COL24A1: variants seen among roughly 807,000 people sequenced by gnomAD.
COL24A1 encodes collagen alpha-1(XXIV) chain.
A neutral mutation model predicts 253.9 loss-of-function variants in COL24A1; 224 were observed. The ratio of observed to expected loss-of-function variants is 0.88; its 90% CI spans 0.79 to 0.99. The LOEUF is 0.99. COL24A1 is among the 50% of genes least tolerant of loss of function. COL24A1 has a pLI of 0.00. For missense variants in COL24A1, 2,131 were observed against 2,068.5 expected (o/e 1.03, Z -0.59); for synonymous variants, 685 against 673.7 (o/e 1.02, Z -0.26).
At chr1:85,767,510 A>G (rs1667506019) in intron 53 of COL24A1, among the ~76,000 whole-genome samples, 1 of 152,246 alleles carries the variant, frequency 6.6e-6, no homozygotes, top group Non-Finnish European at 1.5e-5. Context: ...GAATTAAAAG[A>G]TTAACTTTAT....
chr1:85,873,200 G>A (rs1010273909), intron 35 of COL24A1, among the ~76,000 whole-genome samples: 5 of 152,164 alleles, frequency 3.3e-5, no homozygotes, highest in African/African-American at 1.2e-4. Flanking sequence ...TGCTGGAGAG[G>A]AGGATGTGTA....
At position 85,896,048 on chromosome 1, in the gene COL24A1, T is replaced by C; in HGVS notation, c.2850A>G (p.Gln950=). The C allele has an allele frequency of 6.2e-7, 1 of 1,612,888 alleles. No homozygotes were observed. Among genetic ancestry groups the C allele is most frequent in the Non-Finnish European group, 8.5e-7 (1 of 1,179,620 alleles). ...TAAGACCATGAGGCCCTCTTTTTCCTTGATCTCCTTTTTCACCCTAACAAA... is the reference window on the plus strand; with the variant it reads ...TAAGACCATGAGGCCCTCTTTTTCCCTGATCTCCTTTTTCACCCTAACAAA... ...IQGAKGEKGD[Q]GKRGPHGLIG... The change falls in exon 30 of 60, where the codon CAA becomes CAG. Residue 950 remains glutamine (Q), a synonymous_variant. Coordinates refer to ENST00000370571, the MANE Select transcript of COL24A1 (RefSeq NM_152890.7).
chr1:85,894,953 CT>C (rs899861532), intron 31 of COL24A1, among the ~76,000 whole-genome samples: 1 of 152,060 alleles, frequency 6.6e-6, no homozygotes, highest in African/African-American at 2.4e-5. Flanking sequence ...TTATTCTATC[CT>C]TTTCTGTCTC....
intron 24 of COL24A1, among the ~76,000 whole-genome samples, chr1:85,911,744 G>A (rs1313586552): frequency 2.0e-5 from 3 of 151,942 alleles, no homozygotes; most frequent in Admixed American, 6.6e-5. Context: ...AACCCCTGAC[G>A]TTTTCATACC....
At chr1:85,910,133 A>G in intron 25 of COL24A1, 130 bp from the exon 26 acceptor site, 7 of 535,972 alleles carry the variant, frequency 1.3e-5, no homozygotes, top group Non-Finnish European at 1.9e-5. Flanking sequence ...TATTTCCAAT[A>G]ATTTTTAAAT....
chr1:85,747,741 G>A (rs542143013), intron 55 of COL24A1, among the ~76,000 whole-genome samples: 4 of 152,082 alleles, frequency 2.6e-5, no homozygotes, highest in Non-Finnish European at 5.9e-5. Flanking sequence ...AATAATTATG[G>A]ATTTTCTTCT....
chr1:85,970,770 T>C (rs1692079732), intron 21 of COL24A1, among the ~76,000 whole-genome samples: 1 of 152,168 alleles, frequency 6.6e-6, no homozygotes, highest in Non-Finnish European at 1.5e-5. Flanking sequence ...TAGTCACAAA[T>C]AGTAAATATA....
At chr1:85,757,967 T>C (rs1295204176) in intron 55 of COL24A1, among the ~76,000 whole-genome samples, 1 of 152,074 alleles carries the variant, frequency 6.6e-6, no homozygotes, top group Non-Finnish European at 1.5e-5. Flanking sequence ...GCATGTAAAA[T>C]AGAAAACAGA....
At chr1:86,119,894 C>T (rs1485983082) in intron 3 of COL24A1, among the ~76,000 whole-genome samples, 1 of 152,124 alleles carries the variant, frequency 6.6e-6, no homozygotes, top group Non-Finnish European at 1.5e-5. Flanking sequence ...TCAAACTATA[C>T]TACAAGGCTA....
intron 47 of COL24A1, among the ~76,000 whole-genome samples, chr1:85,808,938 T>G (rs1334985914): frequency 6.6e-6 from 1 of 152,066 alleles, no homozygotes; most frequent in African/African-American, 2.4e-5. Context: ...TGCTGATTGG[T>G]TGGGGATGAA....
At chr1:85,955,807 C>G (rs540902846) in intron 24 of COL24A1, among the ~76,000 whole-genome samples, 90 of 152,342 alleles carry the variant, frequency 5.9e-4, no homozygotes, top group African/African-American at 2.1e-3. Flanking sequence ...TTGTGCTGAG[C>G]ACTTCTACGA....
intron 8 of COL24A1, 28 bp from the exon 9 acceptor site, chr1:86,059,202 T>C (rs1052263563): frequency 1.9e-6 from 3 of 1,545,042 alleles, no homozygotes; most frequent in South Asian, 1.2e-5. Context: ...ATGAACAGTA[T>C]AGCAAAGCCA....
intron 5 of COL24A1, among the ~76,000 whole-genome samples, chr1:86,095,295 G>T (rs1158880699): frequency 6.6e-6 from 1 of 151,798 alleles, no homozygotes; most frequent in Non-Finnish European, 1.5e-5. Context: ...GATTTTAAAG[G>T]GTACTTTTTC....
chr1:85,737,531 G>T, intron 57 of COL24A1, 26 bp from the exon 58 acceptor site: 8 of 1,412,242 alleles, frequency 5.7e-6, no homozygotes, highest in Non-Finnish European at 7.9e-6. Flanking sequence ...AAAACATAAA[G>T]TTAAAGTTAT....
At chr1:85,919,174 G>C (rs910874316) in intron 24 of COL24A1, among the ~76,000 whole-genome samples, 1 of 152,192 alleles carries the variant, frequency 6.6e-6, no homozygotes, top group Non-Finnish European at 1.5e-5. Context: ...ACAGTGTATA[G>C]AGTGCAAGTA....
intron 7 of COL24A1, among the ~76,000 whole-genome samples, chr1:86,067,459 C>T (rs17415692): frequency 0.072 from 10,993 of 152,032 alleles, 489 homozygotes; most frequent in Middle Eastern, 0.14. Context: ...ATAGTTGTTG[C>T]TTATTAATTA....
chr1:85,783,535 A>T lies in COL24A1; in HGVS notation c.4245T>A (p.Ile1415=). 6.2e-7 allele frequency: 1 copy of T among 1,613,510 alleles called. No individual in the cohort carries two copies. The highest frequency in any genetic ancestry group is 8.5e-7 in the Non-Finnish European group (1 of 1,179,586). The change falls in exon 51 of 60, where the codon ATT becomes ATA. Residue 1415 remains isoleucine, a synonymous_variant. Transcript: ENST00000370571. ...GACCTTTAGGACCTGATATCCCAAC[A>T]ATGCCAGCATCCCCTTCAGGACCCT... ...GPKGPEGDAG[I]VGISGPKGPI...
intron 24 of COL24A1, among the ~76,000 whole-genome samples, chr1:85,944,964 T>C (rs1181051279): frequency 6.7e-6 from 1 of 148,374 alleles, no homozygotes; most frequent in Non-Finnish European, 1.5e-5. Context: ...TTCCATGGTG[T>C]ATATGTGCCA....
At chr1:85,918,921 T>C (rs889727903) in intron 24 of COL24A1, among the ~76,000 whole-genome samples, 1 of 152,210 alleles carries the variant, frequency 6.6e-6, no homozygotes, top group African/African-American at 2.4e-5. Flanking sequence ...ATGCTACTGA[T>C]GTCAGACTTG....
Sources: allele counts gnomAD v4.1 joint callset (sites outside exome capture counted in the v4.1 genomes callset), GRCh38; gene constraint gnomAD v4.1.1; transcripts MANE v1.5; gene names NCBI Gene and HGNC (gene_info 2026-07-23, HGNC 2026-07-21).